Variants in DCAF6 observed in about 807,000 individuals in gnomAD.
The protein encoded by DCAF6 is DDB1- and CUL4-associated factor 6.
In DCAF6, 54 loss-of-function variants were observed where a neutral mutation model predicts 125.1. That is an observed-to-expected ratio of 0.43 (90% confidence interval 0.35 to 0.54). DCAF6 has a LOEUF of 0.54. DCAF6 is among the 20% of genes least tolerant of loss of function. The pLI is 0.01. For synonymous variants in DCAF6, 371 were observed against 390.4 expected (o/e 0.95, Z 0.58); for missense variants, 934 against 1,161.7 (o/e 0.80, Z 2.85).
intron 10 of DCAF6, among the ~76,000 whole-genome samples, chr1:168,007,215 A>G (rs1412652744): frequency 2.0e-5 from 3 of 152,164 alleles, no homozygotes; most frequent in Admixed American, 2.0e-4. Flanking sequence ...AAGCTAGTCA[A>G]TGTAGTTGCT....
intron 10 of DCAF6, among the ~76,000 whole-genome samples, chr1:168,009,389 T>TTCTTTCTTTCTC (rs1553232856): frequency 0.012 from 1,588 of 133,090 alleles, 21 homozygotes; most frequent in African/African-American, 0.035. Context: ...CTTCCTTCCT[T>TTCTTTCTTTCTC]TCTTTCTTTC....
chr1:168,037,166 G>C (rs1174436283), intron 12 of DCAF6, among the ~76,000 whole-genome samples: 2 of 146,590 alleles, frequency 1.4e-5, no homozygotes, highest in African/African-American at 5.1e-5. Flanking sequence ...CTGGGCTTAA[G>C]GGTTCCTCCC....
At chr1:168,038,577 T>C (rs966373811) in intron 13 of DCAF6, 89 bp downstream of exon 13, 1 of 972,318 alleles carries the variant, frequency 1.0e-6, no homozygotes, top group Admixed American at 2.6e-5. Context: ...TCTTTATGTT[T>C]TGTTTTGCTA....
upstream of DCAF6, chr1:167,935,734 T>G: frequency 6.4e-7 from 1 of 1,559,280 alleles, no homozygotes; most frequent in Non-Finnish European, 8.7e-7. Flanking sequence ...GTCCATTACC[T>G]GCTGGATGGT....
At chr1:167,942,142 C>G (rs190702555) in intron 1 of DCAF6, among the ~76,000 whole-genome samples, 1 of 152,072 alleles carries the variant, frequency 6.6e-6, no homozygotes, top group Admixed American at 6.6e-5. Context: ...CTTGGCTTAC[C>G]GCAACCTCTG....
At chr1:167,978,140 T>C (rs1240840484) in intron 4 of DCAF6, among the ~76,000 whole-genome samples, 1 of 152,230 alleles carries the variant, frequency 6.6e-6, no homozygotes, top group African/African-American at 2.4e-5. Context: ...TATACCACAA[T>C]TGATTTATCT....
rs1434400994 is a variant in DCAF6 at position 168,035,324 on chromosome 1, A to AC, written c.1610-3047_1610-3046insC. 7.6e-4 allele frequency among the ~76,000 whole-genome samples: 116 copies of AC among 152,244 alleles called. 1 individual carries two copies. In the South Asian group the frequency reaches 0.022, roughly 29 times the overall value. ...TAGCCAGGTGTGATGGCATGTGCCT[A>AC]TAGTCCCAGCTACTCAGGAGGCTGA... On this transcript the variant is annotated intron_variant, in intron 12 of 21. Transcript: ENST00000367840.
At chr1:167,961,967 G>A (rs1467688015) in intron 2 of DCAF6, among the ~76,000 whole-genome samples, 1 of 152,110 alleles carries the variant, frequency 6.6e-6, no homozygotes, top group Non-Finnish European at 1.5e-5. Flanking sequence ...TTTGACCGAT[G>A]TGTTATTTTG....
intron 7 of DCAF6, among the ~76,000 whole-genome samples, chr1:167,995,302 CA>C (rs1470932003): frequency 6.6e-6 from 1 of 152,106 alleles, no homozygotes; most frequent in African/African-American, 2.4e-5. Context: ...GAGTCATGAA[CA>C]TTTTTTTTTC....
rs1491440604 is a variant in DCAF6 at position 168,037,103 on chromosome 1, CCT to C, written c.1610-1267_1610-1266del. On this transcript the variant is annotated intron_variant, in intron 12 of 21. Coordinates refer to ENST00000367840, the MANE Select transcript of DCAF6 (RefSeq NM_001198956.2). ...AGAGGTTCTATGAGATTCTCCCCCC[CCT>C]TTTTTTTTTTTTTTTTGAGATGAGG... Among the ~76,000 whole-genome samples, 1,335 of 148,310 alleles carry C rather than the reference CCT, an allele frequency of 9.0e-3. 10 individuals carry two copies. Among genetic ancestry groups the C allele is most frequent in the African/African-American group, 0.032 (1,254 of 39,566 alleles).
chr1:167,898,594 GTTT>G, the DCAF6 span, among the ~76,000 whole-genome samples: 3 of 146,586 alleles, frequency 2.0e-5, no homozygotes, highest in African/African-American at 7.5e-5. Context: ...GCGAGACTCC[GTTT>G]TTTTTTTTTT....
the DCAF6 span, chr1:167,924,321 A>G: frequency 1.4e-4 from 65 of 477,990 alleles, no homozygotes; most frequent in Non-Finnish European, 2.2e-4. Context: ...AGAAAAACTA[A>G]AGTAGATAGT....
chr1:167,871,427 G>T, the DCAF6 span, among the ~76,000 whole-genome samples: 18 of 152,058 alleles, frequency 1.2e-4, no homozygotes, highest in Non-Finnish European at 2.5e-4. Context: ...ACTTGGAAAA[G>T]AAAAAAATAA....
At position 168,004,618 on chromosome 1, in the gene DCAF6, A is replaced by G. The variant is rs752747972; in HGVS notation, c.1203A>G (p.Val401=). The G allele has an allele frequency of 8.7e-6, 14 of 1,612,978 alleles. No homozygotes were observed. The highest frequency in any genetic ancestry group is 1.0e-5 in the Non-Finnish European group (12 of 1,179,500). ...DLEVSETAME[V]DTPAEQFLQP... ...AAGTGAGTGAAACTGCAATGGAAGT[A>G]GATACTCCAGCTGAACAATTTCTTC... The change falls in exon 10 of 22, where the codon GTA becomes GTG. Residue 401 remains valine (V), a synonymous_variant. Coordinates refer to ENST00000367840, the MANE Select transcript of DCAF6 (RefSeq NM_001198956.2).
chr1:167,888,647 C>G, the DCAF6 span, among the ~76,000 whole-genome samples: 1 of 151,950 alleles, frequency 6.6e-6, no homozygotes, highest in Non-Finnish European at 1.5e-5. Flanking sequence ...GAGGCCGAGG[C>G]GGGCGGATCA....
the DCAF6 span, among the ~76,000 whole-genome samples, chr1:167,889,655 G>A: frequency 1.3e-5 from 2 of 152,176 alleles, no homozygotes; most frequent in African/African-American, 4.8e-5. Flanking sequence ...GTTGGTATTA[G>A]TTCTTCAAGT....
chr1:168,002,106 G>T (rs1355413880), intron 7 of DCAF6, among the ~76,000 whole-genome samples: 1 of 152,104 alleles, frequency 6.6e-6, no homozygotes, highest in African/African-American at 2.4e-5. Context: ...AGGTATGTGG[G>T]TAATTTAACT....
At position 167,993,241 on chromosome 1, in the gene DCAF6, G is replaced by A. The variant is rs1049258261; in HGVS notation, c.704G>A (p.Arg235Gln). The A allele has an allele frequency of 6.2e-7, 1 of 1,613,558 alleles. No individual in the cohort carries two copies. The highest frequency in any genetic ancestry group is 8.5e-7 in the Non-Finnish European group (1 of 1,179,788). Residue 235 changes from arginine to glutamine, a missense_variant, in exon 7 of 22, where the codon CGA becomes CAA. Around this residue, in one of 5 missense-constraint regions of DCAF6, gnomAD observed 309 missense variants for 381.2 expected, o/e 0.81. Transcript: ENST00000367840. Reference sequence around the variant, plus strand: ...TCTTTTTTAGGGAATTATGCAGGTCGAGGGACTACTGGAATGGTTGCCCGT... The same window carrying A: ...TCTTTTTTAGGGAATTATGCAGGTCAAGGGACTACTGGAATGGTTGCCCGT... ...GTRATGNYAG[R>Q]GTTGMVARFI...
At chr1:167,939,437 T>A (rs1355386692) in intron 1 of DCAF6, among the ~76,000 whole-genome samples, 1 of 152,198 alleles carries the variant, frequency 6.6e-6, no homozygotes, top group Non-Finnish European at 1.5e-5. Context: ...ATTAATTTTA[T>A]TTTTATTATT....
Sources: allele counts gnomAD v4.1 joint callset (sites outside exome capture counted in the v4.1 genomes callset), GRCh38; gene constraint gnomAD v4.1.1; regional missense constraint gnomAD v4.1.1; transcripts MANE v1.5; gene names NCBI Gene and HGNC (gene_info 2026-07-23, HGNC 2026-07-21).